The following PCDH15 variants were observed in gnomAD, a reference collection of about 807,000 sequenced individuals.
PCDH15 encodes protocadherin-15.
A neutral mutation model predicts 178.5 loss-of-function variants in PCDH15; 129 were observed. That is an observed-to-expected ratio of 0.72 (90% CI 0.63 to 0.84). The LOEUF (loss-of-function observed/expected upper bound fraction) is 0.84, where lower values mean the gene tolerates loss of function less well. Among genes scored for constraint, PCDH15 ranks in the 40% least tolerant of loss-of-function variants. The probability of loss-of-function intolerance (pLI) is 0.00; values close to 1 mark genes in which losing one functional copy is unlikely to be tolerated. For synonymous variants in PCDH15, 800 were observed against 732.0 expected, an observed-to-expected ratio of 1.09 and a Z score of -1.50; for missense variants, 2,230 against 2,099.9, an observed-to-expected ratio of 1.06 and a Z score of -1.21.
chr10:54,134,324 TG>T (rs2133079149), intron 14 of PCDH15, among the ~76,000 whole-genome samples: 1 of 88,850 alleles, frequency 1.1e-5, no homozygotes, highest in South Asian at 5.0e-4. Context: ...ATAACAGGTA[TG>T]AGCACCACAC....
intron 2 of PCDH15, among the ~76,000 whole-genome samples, chr10:55,074,533 G>A (rs570985698): frequency 6.9e-4 from 105 of 152,170 alleles, no homozygotes; most frequent in African/African-American, 2.5e-3. Context: ...GTCTGTTCAT[G>A]TCCTTTGATC....
At chr10:54,164,223 A>G (rs1006395401) in intron 13 of PCDH15, among the ~76,000 whole-genome samples, 1 of 152,208 alleles carries the variant, frequency 6.6e-6, no homozygotes, top group African/African-American at 2.4e-5. Context: ...TATGTAGGAA[A>G]AGTCTATTTT....
intron 3 of PCDH15, among the ~76,000 whole-genome samples, chr10:54,430,507 T>C (rs1344335113): frequency 6.6e-6 from 1 of 152,150 alleles, no homozygotes; most frequent in African/African-American, 2.4e-5. Flanking sequence ...AATAAAAAAT[T>C]AATTTTGGAA....
intron 3 of PCDH15, among the ~76,000 whole-genome samples, chr10:54,882,488 A>G (rs1954281686): frequency 6.6e-6 from 1 of 152,060 alleles, no homozygotes; most frequent in Non-Finnish European, 1.5e-5. Context: ...TTTTTCTTTA[A>G]GGCTTCAAAG....
At chr10:55,256,592 C>T (rs1033336542) in intron 1 of PCDH15, among the ~76,000 whole-genome samples, 4 of 152,276 alleles carry the variant, frequency 2.6e-5, no homozygotes, top group African/African-American at 7.2e-5. Context: ...GCACCTGGCT[C>T]GGAGGGTCCC....
At chr10:54,603,776 C>T (rs1418361273) in intron 2 of PCDH15, among the ~76,000 whole-genome samples, 1 of 151,926 alleles carries the variant, frequency 6.6e-6, no homozygotes, top group African/African-American at 2.4e-5. Context: ...TTAGCCTGTA[C>T]ACTCCACCTA....
chr10:55,582,628 A>ATATATTTTTTTTT (rs780312007), intron 2 of PCDH15, among the ~76,000 whole-genome samples: 1 of 69,032 alleles, frequency 1.4e-5, no homozygotes, highest in African/African-American at 6.6e-5. Flanking sequence ...ATATATATAT[A>ATATATTTTTTTTT]TTTTTTTTTT....
At chr10:55,552,671 C>T (rs1842023423) in intron 2 of PCDH15, among the ~76,000 whole-genome samples, 1 of 151,178 alleles carries the variant, frequency 6.6e-6, no homozygotes, top group Admixed American at 6.6e-5. Context: ...GTTTTGAATG[C>T]ATTCTTTTAA....
chr10:53,866,515 A>T lies in PCDH15; in HGVS notation c.3717+127T>A, dbSNP rs1427644581. 2.6e-5 allele frequency: 17 copies of T among 662,268 alleles called. No homozygotes were observed. The East Asian group carries it at 5.0e-4, about 19-fold the overall frequency. The allele number at this position is 662,268 out of a possible 1,614,324, so 41.0% of individuals were successfully genotyped here. On this transcript the variant is annotated intron_variant, in intron 27 of 37. Transcript: ENST00000644397. ...CTAAACTATAGTGACTAACAATCTGAGTGAAAATAATAATTATGTTTTTGA... is the reference window on the plus strand; with the variant it reads ...CTAAACTATAGTGACTAACAATCTGTGTGAAAATAATAATTATGTTTTTGA...
In PCDH15 at chr10:54,192,152, G is replaced by GAA. The variant is rs768873038; in HGVS notation, c.1305+3529_1305+3530dup. ...AGAAAGAGAAAGAGAAAGAAAGAAA[G>GAA]AAAAAGAAAGAAAGAAAGAAAAAGA... On this transcript the variant is annotated intron_variant, in intron 11 of 37. Coordinates refer to ENST00000644397, the MANE Select transcript of PCDH15 (RefSeq NM_001384140.1). 6.3e-4 allele frequency among the ~76,000 whole-genome samples: 33 copies of GAA among 52,744 alleles called. No individual in the cohort carries two copies. In the South Asian group the frequency reaches 0.018, roughly 29 times the overall value. 34.6% of individuals were successfully genotyped at this position (52,744 alleles called of 152,430 possible). A position where few individuals can be genotyped will look rare whatever the true frequency, so the allele number is the denominator to read the frequency against.
intron 15 of PCDH15, among the ~76,000 whole-genome samples, chr10:54,123,509 A>C (rs2041735706): frequency 1.3e-5 from 2 of 152,140 alleles, no homozygotes; most frequent in African/African-American, 4.8e-5. Flanking sequence ...TATTATTTAA[A>C]AGTAAAACAA....
chr10:55,158,558 C>A (rs1838960382), intron 2 of PCDH15, among the ~76,000 whole-genome samples: 1 of 151,524 alleles, frequency 6.6e-6, no homozygotes, highest in Non-Finnish European at 1.5e-5. Context: ...AATGTTCAGA[C>A]AAACTGAATA....
chr10:55,560,600 A>C (rs10218957), intron 2 of PCDH15, among the ~76,000 whole-genome samples: 51,513 of 151,668 alleles, frequency 0.34, 9,067 homozygotes, highest in East Asian at 0.49. Flanking sequence ...AAAACCTTCA[A>C]CACTTATCAA....
In PCDH15 at chr10:55,094,238, G is replaced by T. The variant is rs570326092; in HGVS notation, c.-80+72338C>A. ...TAAAAAGGATGAGTTCATGTCCCTT[G>T]TAGGGACATGGATGAAGCTGGAAAC... On this transcript the variant is annotated intron_variant, in intron 2 of 5. Transcript: ENST00000458638. Among the ~76,000 whole-genome samples the T allele has an allele frequency of 1.7e-4, 26 of 152,174 alleles. No individual in the cohort carries two copies. In the East Asian group the frequency reaches 4.1e-3, roughly 24 times the overall value.
intron 1 of PCDH15, among the ~76,000 whole-genome samples, chr10:55,282,548 A>T (rs564017375): frequency 6.6e-6 from 1 of 152,308 alleles, no homozygotes; most frequent in Admixed American, 6.5e-5. Flanking sequence ...TCTGAGAGTA[A>T]ATTCAATTGC....
At chr10:53,925,545 C>T (rs915622519) in intron 25 of PCDH15, among the ~76,000 whole-genome samples, 1 of 152,218 alleles carries the variant, frequency 6.6e-6, no homozygotes, top group Non-Finnish European at 1.5e-5. Context: ...ACAGTTGGAT[C>T]TGAGTTAGCA....
intron 3 of PCDH15, among the ~76,000 whole-genome samples, chr10:54,405,052 T>C (rs1362682636): frequency 6.6e-6 from 1 of 152,128 alleles, no homozygotes; most frequent in Admixed American, 6.6e-5. Context: ...ACACTGCTGG[T>C]GGGAGTGGAA....
chr10:54,895,842 T>C (rs151270200), intron 3 of PCDH15, among the ~76,000 whole-genome samples: 1 of 152,284 alleles, frequency 6.6e-6, no homozygotes, highest in African/African-American at 2.4e-5. Flanking sequence ...TTAAAATTTA[T>C]TTGGCTATTG....
intron 26 of PCDH15, among the ~76,000 whole-genome samples, chr10:53,888,674 T>G (rs1198340859): frequency 3.1e-5 from 1 of 32,236 alleles, no homozygotes; most frequent in African/African-American, 1.2e-4. Flanking sequence ...GATATATATA[T>G]ATATATATAT....
Sources: gnomAD v4.1 joint callset for allele counts (sites outside exome capture counted in the v4.1 genomes callset) on GRCh38, gnomAD v4.1.1 for gene constraint, MANE v1.5 for transcripts, NCBI Gene and HGNC (gene_info 2026-07-23, HGNC 2026-07-21) for gene names.